STAU2: variants seen among roughly 807,000 people sequenced by gnomAD.
The protein encoded by STAU2 is double-stranded RNA-binding protein Staufen homolog 2.
STAU2 carries 20 observed loss-of-function variants against 65.9 expected under a neutral mutation model. The ratio of observed to expected loss-of-function variants is 0.30; its 90% CI spans 0.21 to 0.44. The LOEUF (loss-of-function observed/expected upper bound fraction) is 0.44. Ranked by LOEUF, STAU2 falls within the 20% of genes least tolerant of loss-of-function variation. STAU2 has a pLI of 1.00. For missense variants in STAU2, 558 were observed against 683.9 expected (o/e 0.82, Z 2.05); for synonymous variants, 232 against 233.9 (o/e 0.99, Z 0.07).
rs111660605 is a variant in STAU2, at chr8:73,583,149, C to CT, written c.1162-320dup. On this transcript the variant is annotated intron_variant, in intron 11 of 14. Transcript: ENST00000524300. ...TAGCTAGGTGGTGAAAAAAATAAAT[C>CT]TTTTTTTTTTTTTTTGAGACAGAGT... 2.9e-3 allele frequency among the ~76,000 whole-genome samples: 410 copies of CT among 141,552 alleles called. 2 individuals are homozygous for CT. Among genetic ancestry groups the CT allele is most frequent in the African/African-American group, 4.1e-3 (158 of 38,458 alleles). 92.9% of individuals were successfully genotyped at this position (141,552 alleles called of 152,430 possible).
chr8:73,650,095 A>C (rs1479562848), intron 6 of STAU2, among the ~76,000 whole-genome samples: 4 of 151,690 alleles, frequency 2.6e-5, no homozygotes, highest in Non-Finnish European at 4.4e-5. Flanking sequence ...CTGGACTTCC[A>C]GATATGATGG....
At chr8:73,726,032 T>C (rs7017254) in intron 3 of STAU2, among the ~76,000 whole-genome samples, 15,381 of 151,806 alleles carry the variant, frequency 0.1, 970 homozygotes, top group African/African-American at 0.18. Flanking sequence ...TAATATTTCT[T>C]CTACTTTAGG....
intron 13 of STAU2, among the ~76,000 whole-genome samples, chr8:73,454,281 A>G (rs1395521796): frequency 6.6e-6 from 1 of 152,234 alleles, no homozygotes; most frequent in African/African-American, 2.4e-5. Flanking sequence ...AGTAGCTGTG[A>G]TATGACACCA....
At chr8:73,552,378 G>A (rs1807395682) in intron 12 of STAU2, 59 bp from the exon 13 acceptor site, 2 of 1,439,350 alleles carry the variant, frequency 1.4e-6, no homozygotes. Flanking sequence ...TAGAAACATA[G>A]CATTATTAAC....
At chr8:73,585,396 C>A (rs1810291681) in intron 11 of STAU2, among the ~76,000 whole-genome samples, 1 of 152,222 alleles carries the variant, frequency 6.6e-6, no homozygotes, top group Non-Finnish European at 1.5e-5. Flanking sequence ...AGGAGAATCG[C>A]TTGAACCCGG....
At chr8:73,672,047 A>G (rs1371134761) in intron 6 of STAU2, 1 of 152,156 alleles carries the variant, frequency 6.6e-6, no homozygotes, top group Non-Finnish European at 1.5e-5. Context: ...AGAAAAGAAA[A>G]AAAAATTCTT....
chr8:73,471,789 G>A (rs773376396), intron 13 of STAU2, among the ~76,000 whole-genome samples: 24 of 122,558 alleles, frequency 2.0e-4, no homozygotes, highest in Non-Finnish European at 3.1e-4. Context: ...CTGCACTCCC[G>A]CCTGGGCAAC....
At chr8:73,737,806 A>G (rs1169860435) in intron 3 of STAU2, among the ~76,000 whole-genome samples, 1 of 152,018 alleles carries the variant, frequency 6.6e-6, no homozygotes. Flanking sequence ...AACTAAGAAA[A>G]GCACTTCTTT....
intron 13 of STAU2, among the ~76,000 whole-genome samples, chr8:73,504,263 TTACTTA>T (rs1291379311): frequency 6.6e-6 from 1 of 152,104 alleles, no homozygotes; most frequent in Non-Finnish European, 1.5e-5. Context: ...ATACAATAGC[TTACTTA>T]AAATGGAACT....
At chr8:73,612,774 A>G (rs1812569970) in intron 9 of STAU2, among the ~76,000 whole-genome samples, 1 of 152,226 alleles carries the variant, frequency 6.6e-6, no homozygotes, top group Non-Finnish European at 1.5e-5. Context: ...GAGATTAAAT[A>G]TATTTCTTAT....
At chr8:73,504,546 C>T (rs1278361291) in intron 13 of STAU2, among the ~76,000 whole-genome samples, 2 of 151,852 alleles carry the variant, frequency 1.3e-5, no homozygotes, top group East Asian at 3.9e-4. Context: ...GTTTTGGGGA[C>T]GCACCGCTTA....
intron 5 of STAU2, among the ~76,000 whole-genome samples, chr8:73,685,040 G>A (rs1432769340): frequency 6.6e-6 from 1 of 152,150 alleles, no homozygotes; most frequent in East Asian, 1.9e-4. Context: ...CTGTTCCCAT[G>A]ATAGTGACTG....
chr8:73,616,477 T>C (rs1812839712), intron 7 of STAU2, among the ~76,000 whole-genome samples: 1 of 152,018 alleles, frequency 6.6e-6, no homozygotes, highest in Non-Finnish European at 1.5e-5. Context: ...AGGAAAACTG[T>C]AGAGGTTGAA....
At chr8:73,486,153 G>A (rs1449492944) in intron 13 of STAU2, among the ~76,000 whole-genome samples, 1 of 152,024 alleles carries the variant, frequency 6.6e-6, no homozygotes, top group Non-Finnish European at 1.5e-5. Flanking sequence ...TCCTCTTATT[G>A]ATTGTGTGAA....
chr8:73,629,795 C>T (rs1426658012), intron 6 of STAU2, among the ~76,000 whole-genome samples: 2 of 152,156 alleles, frequency 1.3e-5, no homozygotes, highest in African/African-American at 4.8e-5. Flanking sequence ...GAGGCAGGGT[C>T]TCCCTCTGTC....
intron 12 of STAU2, among the ~76,000 whole-genome samples, chr8:73,578,994 C>G (rs1238053780): frequency 6.8e-6 from 1 of 147,972 alleles, no homozygotes; most frequent in Non-Finnish European, 1.5e-5. Context: ...CCCACCCCCC[C>G]AAAAAAACCA....
chr8:73,702,951 A>C (rs1474112142), intron 4 of STAU2, among the ~76,000 whole-genome samples: 1 of 152,244 alleles, frequency 6.6e-6, no homozygotes, highest in African/African-American at 2.4e-5. Flanking sequence ...GGGAATGTAA[A>C]ATGGTACAAC....
At chr8:73,746,548 C>T (rs1243633066) in intron 1 of STAU2, among the ~76,000 whole-genome samples, 2 of 151,970 alleles carry the variant, frequency 1.3e-5, no homozygotes, top group African/African-American at 2.4e-5. Flanking sequence ...ACGCACCCCC[C>T]ACCCCAATTC....
intron 12 of STAU2, among the ~76,000 whole-genome samples, chr8:73,567,556 T>C (rs1456640931): frequency 2.7e-5 from 4 of 147,242 alleles, no homozygotes; most frequent in Admixed American, 6.8e-5. Context: ...CTCTCTCTCT[T>C]TTTTTTTTTT....
Sources: allele counts gnomAD v4.1 joint callset (sites outside exome capture counted in the v4.1 genomes callset), GRCh38; gene constraint gnomAD v4.1.1; transcripts MANE v1.5; gene names NCBI Gene and HGNC (gene_info 2026-07-23, HGNC 2026-07-21).